The following WWOX variants were observed in gnomAD, a reference collection of about 807,000 sequenced individuals.
WWOX encodes WW domain containing oxidoreductase, also known as WW domain-containing oxidoreductase.
WWOX carries 69 observed loss-of-function variants against 46.2 expected under a neutral mutation model. The observed-to-expected ratio is 1.49, with a 90% CI of 1.23 to 1.82. WWOX has a LOEUF of 1.82. WWOX is among the 40% of genes most tolerant of loss of function. The pLI is 0.00. For missense variants in WWOX, 919 were observed against 542.6 expected (o/e 1.69, Z -6.89); for synonymous variants, 359 against 202.6 (o/e 1.77, Z -6.56).
At chr16:78,654,253 A>G (rs1030709441) in intron 8 of WWOX, among the ~76,000 whole-genome samples, 2 of 152,204 alleles carry the variant, frequency 1.3e-5, no homozygotes, top group Admixed American at 1.3e-4. Flanking sequence ...CAGATTCTTT[A>G]TTGGTAAATG....
chr16:79,174,754 G>A (rs113894893), intron 8 of WWOX, among the ~76,000 whole-genome samples: 5 of 152,270 alleles, frequency 3.3e-5, no homozygotes, highest in African/African-American at 1.2e-4. Flanking sequence ...TGAGTGAGCA[G>A]TACTCATGGT....
intron 8 of WWOX, among the ~76,000 whole-genome samples, chr16:78,612,509 A>G (rs982814523): frequency 7.2e-5 from 11 of 152,188 alleles, no homozygotes; most frequent in African/African-American, 2.4e-4. Flanking sequence ...ACAGAGCTCA[A>G]TCTTTTGCCT....
Position 79,051,064 on chromosome 16 carries a change from C to G in WWOX, c.1057-160544C>G, listed in dbSNP as rs73570826. On this transcript the variant is annotated intron_variant, in intron 8 of 8. Coordinates refer to ENST00000566780, the MANE Select transcript of WWOX (RefSeq NM_016373.4). ...GGATTATTCCCAAGGAAGCTGTAGC[C>G]ATTATATTTGCTGCCATCACAACAG... Among the ~76,000 whole-genome samples, 375 of 152,276 alleles carry G rather than the reference C, an allele frequency of 2.5e-3. 2 individuals carry two copies. Among genetic ancestry groups the G allele is most frequent in the African/African-American group, 8.7e-3 (363 of 41,562 alleles).
chr16:78,238,342 C>A (rs896178422), intron 5 of WWOX, among the ~76,000 whole-genome samples: 3 of 152,164 alleles, frequency 2.0e-5, no homozygotes, highest in African/African-American at 7.2e-5. Flanking sequence ...CTTCATCACC[C>A]AGGCTGGAGT....
chr16:79,201,811 C>G (rs2051358566), intron 8 of WWOX, among the ~76,000 whole-genome samples: 1 of 150,466 alleles, frequency 6.6e-6, no homozygotes, highest in Non-Finnish European at 1.5e-5. Context: ...TGAAACCTGA[C>G]AATGTAATTT....
At chr16:78,938,809 G>A (rs1389760713) in intron 8 of WWOX, among the ~76,000 whole-genome samples, 2 of 152,144 alleles carry the variant, frequency 1.3e-5, no homozygotes, top group Non-Finnish European at 2.9e-5. Flanking sequence ...AGAGGGGCTG[G>A]CGAGGAGAGC....
At chr16:78,507,893 A>T (rs1196647581) in intron 8 of WWOX, among the ~76,000 whole-genome samples, 1 of 152,034 alleles carries the variant, frequency 6.6e-6, no homozygotes, top group East Asian at 1.9e-4. Flanking sequence ...GACAGCTTTG[A>T]ATGTGGCCCC....
intron 5 of WWOX, among the ~76,000 whole-genome samples, chr16:78,335,260 C>G (rs372587541): frequency 2.4e-4 from 36 of 152,306 alleles, no homozygotes; most frequent in African/African-American, 8.7e-4. Flanking sequence ...CGTCCATTAG[C>G]TGTTGTTGCT....
intron 8 of WWOX, among the ~76,000 whole-genome samples, chr16:78,980,781 C>T (rs2046665153): frequency 6.6e-6 from 1 of 152,064 alleles, no homozygotes; most frequent in Admixed American, 6.6e-5. Context: ...TTTTGCAGGG[C>T]TTATTTTCAT....
intron 8 of WWOX, among the ~76,000 whole-genome samples, chr16:78,807,383 T>A (rs2142688958): frequency 6.6e-6 from 1 of 152,374 alleles, no homozygotes; most frequent in East Asian, 1.9e-4. Flanking sequence ...AAACTATTCT[T>A]GTTCTTCTAA....
intron 8 of WWOX, among the ~76,000 whole-genome samples, chr16:78,630,046 A>G (rs1285683725): frequency 6.6e-6 from 1 of 152,016 alleles, no homozygotes; most frequent in African/African-American, 2.4e-5. Flanking sequence ...ACTCATGTAG[A>G]CTCGAAGCTT....
At chr16:78,417,935 A>G (rs931049697) in intron 6 of WWOX, among the ~76,000 whole-genome samples, 1 of 152,260 alleles carries the variant, frequency 6.6e-6, no homozygotes, top group Non-Finnish European at 1.5e-5. Context: ...AGGCAACAGA[A>G]TGAATTATTC....
intron 8 of WWOX, among the ~76,000 whole-genome samples, chr16:78,857,979 G>T (rs949633589): frequency 6.6e-6 from 1 of 152,062 alleles, no homozygotes; most frequent in Non-Finnish European, 1.5e-5. Context: ...GCGTTATTTT[G>T]TGTGCATACA....
At chr16:79,089,406 A>T (rs1292687261) in intron 8 of WWOX, among the ~76,000 whole-genome samples, 6 of 149,234 alleles carry the variant, frequency 4.0e-5, no homozygotes, top group African/African-American at 9.9e-5. Context: ...ATCTCGGCTC[A>T]CTGCAACCTC....
At chr16:78,642,508 GC>G (rs1207428673) in intron 8 of WWOX, among the ~76,000 whole-genome samples, 1 of 152,112 alleles carries the variant, frequency 6.6e-6, no homozygotes, top group Non-Finnish European at 1.5e-5. Context: ...ATTCAATGCT[GC>G]CTAGGTCCAC....
chr16:78,300,862 T>C (rs1379868842), intron 5 of WWOX, among the ~76,000 whole-genome samples: 1 of 152,170 alleles, frequency 6.6e-6, no homozygotes, highest in Non-Finnish European at 1.5e-5. Flanking sequence ...GGGCCATATG[T>C]TCACCACCTA....
At chr16:78,346,604 G>T (rs1346612037) in intron 5 of WWOX, among the ~76,000 whole-genome samples, 1 of 119,906 alleles carries the variant, frequency 8.3e-6, no homozygotes, top group Non-Finnish European at 2.0e-5. Flanking sequence ...GTACATAGTG[G>T]TATTTTGTTG....
At chr16:79,014,909 C>A (rs186974560) in intron 8 of WWOX, among the ~76,000 whole-genome samples, 8 of 152,126 alleles carry the variant, frequency 5.3e-5, no homozygotes, top group African/African-American at 1.9e-4. Flanking sequence ...TTACTGATAC[C>A]TGTGGTGGCA....
chr16:78,325,158 A>G (rs2080584822), intron 5 of WWOX, among the ~76,000 whole-genome samples: 1 of 152,210 alleles, frequency 6.6e-6, no homozygotes, highest in African/African-American at 2.4e-5. Flanking sequence ...CACTGCTCAG[A>G]GGAACTGGTT....
Sources: allele counts gnomAD v4.1 joint callset (sites outside exome capture counted in the v4.1 genomes callset), GRCh38; gene constraint gnomAD v4.1.1; transcripts MANE v1.5; gene names NCBI Gene and HGNC (gene_info 2026-07-23, HGNC 2026-07-21).